The following PCYT1B variants were observed in gnomAD, a reference collection of about 807,000 sequenced individuals.
PCYT1B encodes phosphate cytidylyltransferase 1B, choline.
PCYT1B carries 10 observed loss-of-function variants against 26.4 expected under a neutral mutation model. The ratio of observed to expected loss-of-function variants is 0.38; its 90% CI spans 0.23 to 0.64. The LOEUF is 0.64. Among genes scored for constraint, PCYT1B ranks in the 30% least tolerant of loss-of-function variants. The pLI, the probability that PCYT1B is intolerant of heterozygous loss-of-function variation, is 0.56. For missense variants in PCYT1B, 161 were observed against 292.7 expected (o/e 0.55, Z 3.28); for synonymous variants, 131 against 108.4 (o/e 1.21, Z -1.29).
At chrX:24,619,323 T>C (rs1925625457) in intron 1 of PCYT1B, among the ~76,000 whole-genome samples, 1 of 112,007 alleles carries the variant, frequency 8.9e-6, no homozygotes, top group Non-Finnish European at 1.9e-5. Context: ...GTCTATAGTA[T>C]GCCAGGTACT....
intron 1 of PCYT1B, among the ~76,000 whole-genome samples, chrX:24,659,746 G>A (rs929960426): frequency 1.8e-5 from 2 of 111,427 alleles, no homozygotes; most frequent in African/African-American, 6.5e-5. Flanking sequence ...GCAAGAGCAA[G>A]GAAGCAAGAG....
At chrX:24,585,767 C>T (rs779117655) in intron 5 of PCYT1B, among the ~76,000 whole-genome samples, 1 of 111,493 alleles carries the variant, frequency 9.0e-6, no homozygotes, top group South Asian at 3.8e-4. Context: ...TGAATGATTT[C>T]ACATGTCAAG....
At chrX:24,648,098 G>T (rs756373131), upstream of PCYT1B, among the ~76,000 whole-genome samples, 2 of 111,589 alleles carry the variant, frequency 1.8e-5, no homozygotes, top group Non-Finnish European at 3.8e-5. Flanking sequence ...TCCCATTTCC[G>T]AAGTACCCTG....
chrX:24,645,972 C>G (rs1926611584), intron 1 of PCYT1B, among the ~76,000 whole-genome samples: 2 of 111,899 alleles, frequency 1.8e-5, no homozygotes, highest in Admixed American at 9.5e-5. Flanking sequence ...ATCACAAAAT[C>G]CTTTTTTAAA....
intron 5 of PCYT1B, among the ~76,000 whole-genome samples, chrX:24,581,690 G>A (rs868061625): frequency 9.8e-5 from 11 of 112,004 alleles, no homozygotes; most frequent in African/African-American, 2.3e-4. Flanking sequence ...TGCCTTTCTC[G>A]TCCTCTTCTA....
At chrX:24,614,664 C>CCTTGAAACCAAACCCTTCTTGAAACT (rs1329816341) in intron 2 of PCYT1B, among the ~76,000 whole-genome samples, 27 of 112,478 alleles carry the variant, frequency 2.4e-4, no homozygotes, top group African/African-American at 7.7e-4. Flanking sequence ...TGCTTACTAC[C>CCTTGAAACCAAACCCTTCTTGAAACT]CTTGAAACCA....
intron 2 of PCYT1B, among the ~76,000 whole-genome samples, chrX:24,611,148 A>G (rs1373570783): frequency 9.0e-6 from 1 of 111,676 alleles, no homozygotes; most frequent in Non-Finnish European, 1.9e-5. Context: ...TCAAGAGGAC[A>G]GAGTAGACAG....
intron 1 of PCYT1B, among the ~76,000 whole-genome samples, chrX:24,619,477 C>G (rs985965114): frequency 8.9e-6 from 1 of 111,739 alleles, no homozygotes. Flanking sequence ...AGAAATACGC[C>G]AAGTCATGCC....
At chrX:24,637,227 C>A (rs150818147) in intron 1 of PCYT1B, among the ~76,000 whole-genome samples, 2,765 of 108,569 alleles carry the variant, frequency 0.025, 54 homozygotes, top group Middle Eastern at 0.042. Flanking sequence ...GCTTCCGAAT[C>A]ACCTGGGAGC....
upstream of PCYT1B, chrX:24,650,189 G>C (rs1464422450): frequency 9.0e-6 from 1 of 111,527 alleles, no homozygotes; most frequent in African/African-American, 3.3e-5. Flanking sequence ...ATGCTATCAA[G>C]ACAATTAGCT....
intron 1 of PCYT1B, among the ~76,000 whole-genome samples, chrX:24,654,469 G>A (rs1329351105): frequency 9.6e-6 from 1 of 103,710 alleles, no homozygotes; most frequent in Non-Finnish European, 2.0e-5. Flanking sequence ...AGAAATTTAT[G>A]GCGGGGTGGC....
intron 1 of PCYT1B, among the ~76,000 whole-genome samples, chrX:24,625,585 A>T (rs1435907280): frequency 9.2e-6 from 1 of 108,410 alleles, no homozygotes; most frequent in Admixed American, 1.0e-4. Context: ...TCATTTAGTT[A>T]TGTATGGAAT....
chrX:24,592,996 C>T (rs1924620314), intron 3 of PCYT1B, among the ~76,000 whole-genome samples: 2 of 111,617 alleles, frequency 1.8e-5, no homozygotes, highest in South Asian at 7.5e-4. Context: ...TCACTGCAAC[C>T]TCTGCCTCCC....
At chrX:24,646,917 T>A in intron 1 of PCYT1B, 72 bp downstream of exon 1, 1 of 836,898 alleles carries the variant, frequency 1.2e-6, no homozygotes, top group East Asian at 3.1e-5. Flanking sequence ...TTTTCCTCGC[T>A]GGCTGCGGGC....
chrX:24,611,996 C>T (rs1004553443), intron 2 of PCYT1B, among the ~76,000 whole-genome samples: 1 of 111,196 alleles, frequency 9.0e-6, no homozygotes, highest in Non-Finnish European at 1.9e-5. Context: ...ACAACAACCA[C>T]AAAAAGAAAC....
At chrX:24,590,440 C>G (rs899791706) in intron 3 of PCYT1B, among the ~76,000 whole-genome samples, 3 of 111,911 alleles carry the variant, frequency 2.7e-5, no homozygotes, top group Non-Finnish European at 3.8e-5. Flanking sequence ...TCTACACTAC[C>G]TAATGTGACT....
intron 1 of PCYT1B, among the ~76,000 whole-genome samples, chrX:24,620,968 A>G (rs1204914121): frequency 9.0e-6 from 1 of 111,729 alleles, no homozygotes; most frequent in Admixed American, 9.5e-5. Flanking sequence ...CTCTCTTCAC[A>G]ACACTCATTT....
intron 3 of PCYT1B, among the ~76,000 whole-genome samples, chrX:24,601,476 G>A (rs1368814575): frequency 1.0e-5 from 1 of 99,671 alleles, no homozygotes; most frequent in Non-Finnish European, 2.0e-5. Flanking sequence ...CCGGGCAACA[G>A]AGCGAAACTC....
chrX:24,642,037 C>T (rs2148270853), intron 1 of PCYT1B, among the ~76,000 whole-genome samples: 1 of 112,786 alleles, frequency 8.9e-6, no homozygotes, highest in East Asian at 2.8e-4. Flanking sequence ...AGTACTTCCC[C>T]TCAATGGATA....
Sources: gnomAD v4.1 joint callset for allele counts (sites outside exome capture counted in the v4.1 genomes callset) on GRCh38, gnomAD v4.1.1 for gene constraint, MANE v1.5 for transcripts, NCBI Gene and HGNC (gene_info 2026-07-23, HGNC 2026-07-21) for gene names.